RBM47: variants seen among roughly 807,000 people sequenced by gnomAD.
RBM47 encodes the protein RNA-binding protein 47.
A neutral mutation model predicts 47.1 loss-of-function variants in RBM47; 21 were observed. That is an observed-to-expected ratio of 0.45 (90% CI 0.32 to 0.64). RBM47 has a LOEUF of 0.64. Among genes scored for constraint, RBM47 ranks in the 30% least tolerant of loss-of-function variants. RBM47 has a pLI of 0.05. For synonymous variants in RBM47, 375 were observed against 361.7 expected (o/e 1.04, Z -0.42); for missense variants, 708 against 870.9 (o/e 0.81, Z 2.35).
chr4:40,526,409 A>G (rs1200527781), intron 2 of RBM47, among the ~76,000 whole-genome samples: 2 of 152,082 alleles, frequency 1.3e-5, no homozygotes, highest in East Asian at 1.9e-4. Context: ...TCAGAAAACG[A>G]TTGGCCTTAA....
chr4:40,623,592 C>A (rs929965673), intron 1 of RBM47, among the ~76,000 whole-genome samples: 9 of 152,072 alleles, frequency 5.9e-5, no homozygotes, highest in Admixed American at 2.0e-4. Flanking sequence ...CGTACTAAAG[C>A]CTTGAGCGCC....
At chr4:40,437,246 T>A (rs1712794107) in intron 4 of RBM47, among the ~76,000 whole-genome samples, 1 of 148,820 alleles carries the variant, frequency 6.7e-6, no homozygotes, top group African/African-American at 2.5e-5. Flanking sequence ...TCCACCTTCC[T>A]CATTTCATGC....
chr4:40,540,600 T>C (rs1256198714), intron 2 of RBM47, among the ~76,000 whole-genome samples: 3 of 148,960 alleles, frequency 2.0e-5, no homozygotes, highest in Non-Finnish European at 3.0e-5. Flanking sequence ...GATCACGCCA[T>C]TGACTCCAGC....
intron 3 of RBM47, among the ~76,000 whole-genome samples, chr4:40,447,647 G>C (rs958975850): frequency 9.2e-5 from 14 of 152,334 alleles, no homozygotes; most frequent in African/African-American, 3.1e-4. Context: ...GGAAGGCTGA[G>C]GCGGGTGGAT....
chr4:40,549,412 A>G (rs1020586605), intron 1 of RBM47, among the ~76,000 whole-genome samples: 2 of 151,218 alleles, frequency 1.3e-5, no homozygotes, highest in Admixed American at 6.6e-5. Flanking sequence ...TCTCCCTCTT[A>G]TTTTCCTCAG....
intron 2 of RBM47, chr4:40,542,374 A>G (rs1305907223): frequency 6.6e-6 from 1 of 152,070 alleles, no homozygotes; most frequent in African/African-American, 2.4e-5. Flanking sequence ...AGGCTGTTTA[A>G]TGTAGCCACT....
At chr4:40,515,483 GA>G (rs1178698153) in intron 2 of RBM47, among the ~76,000 whole-genome samples, 1 of 152,144 alleles carries the variant, frequency 6.6e-6, no homozygotes, top group Non-Finnish European at 1.5e-5. Flanking sequence ...TTTGGTTGCA[GA>G]ATCACACCCA....
At chr4:40,614,590 C>CT (rs1341374506) in intron 1 of RBM47, among the ~76,000 whole-genome samples, 1 of 151,480 alleles carries the variant, frequency 6.6e-6, no homozygotes, top group African/African-American at 2.4e-5. Flanking sequence ...TTACAACACT[C>CT]TGAGAGGCCA....
intron 2 of RBM47, 75 bp from the exon 3 acceptor site, chr4:40,466,774 G>A (rs566396690): frequency 1.0e-5 from 1 of 96,214 alleles, no homozygotes; most frequent in Non-Finnish European, 1.8e-5. Flanking sequence ...TAGAAATTGG[G>A]GGGGGGGGGG....
Position 40,472,455 on chromosome 4 carries a change from T to A in RBM47, c.-154-5756A>T, listed in dbSNP as rs563192566. On this transcript the variant is annotated intron_variant, in intron 2 of 6. Transcript: ENST00000295971. ...CAGGCATGGTGGCGCATACCTGTAA[T>A]CTCAGCTAAGGCAGGAGAATCACTT... 2.9e-3 allele frequency among the ~76,000 whole-genome samples: 441 copies of A among 151,214 alleles called. 2 individuals are homozygous for A. Among genetic ancestry groups the A allele is most frequent in the Admixed American group, 0.01 (157 of 15,108 alleles).
intron 1 of RBM47, among the ~76,000 whole-genome samples, chr4:40,610,349 G>A (rs555552034): frequency 2.6e-5 from 4 of 151,660 alleles, no homozygotes; most frequent in East Asian, 1.9e-4. Context: ...ACGGCCAGGC[G>A]CGGTGGCTCA....
chr4:40,424,031 G>A lies in RBM47; in HGVS notation c.*1873C>T, dbSNP rs1283414630. On this transcript the variant is annotated 3_prime_UTR_variant, in exon 7 of 7. Transcript: ENST00000295971. ...ATGTTAGCGGTGCTTAAAGGCCTCA[G>A]TAGGCACTCAATAATTTTATAGAAT... is the stretch of plus-strand genomic sequence containing the variant. 1 of 152,190 alleles carries A rather than the reference G, an allele frequency of 6.6e-6. No homozygotes were observed. Among genetic ancestry groups the A allele is most frequent in the Non-Finnish European group, 1.5e-5 (1 of 68,040 alleles). The allele number at this position is 152,190 out of a possible 1,614,324, so 9.4% of individuals were successfully genotyped here.
At chr4:40,529,471 G>A (rs1395609066) in intron 2 of RBM47, among the ~76,000 whole-genome samples, 8 of 131,642 alleles carry the variant, frequency 6.1e-5, no homozygotes, top group African/African-American at 1.8e-4. Context: ...AGCCAAGATC[G>A]TGCCACTGCA....
intron 2 of RBM47, among the ~76,000 whole-genome samples, chr4:40,493,317 G>T (rs778307255): frequency 3.9e-5 from 6 of 152,162 alleles, no homozygotes; most frequent in African/African-American, 9.7e-5. Context: ...TGGCATTAAG[G>T]AGGCAGGAGG....
intron 1 of RBM47, among the ~76,000 whole-genome samples, chr4:40,579,715 G>A (rs1021473099): frequency 1.3e-5 from 2 of 150,626 alleles, no homozygotes; most frequent in Non-Finnish European, 2.9e-5. Context: ...GTCTTTGCTG[G>A]AGTTATTACA....
intron 4 of RBM47, among the ~76,000 whole-genome samples, chr4:40,437,152 A>ATAT (rs1560357673): frequency 2.5e-5 from 2 of 79,184 alleles, no homozygotes; most frequent in Non-Finnish European, 4.3e-5. Flanking sequence ...TATATATATA[A>ATAT]AATACATATA....
In RBM47 at chr4:40,432,646, T is replaced by G. The variant is rs967393710; in HGVS notation, c.1542+5A>C. Reference sequence around the variant, plus strand: ...AAATGACAATGCCTGCAATAAGAACTCTACCTGGAAAGGTGGTGGCGTCGA... The same window carrying G: ...AAATGACAATGCCTGCAATAAGAACGCTACCTGGAAAGGTGGTGGCGTCGA... On this transcript the variant is annotated splice_donor_5th_base_variant and intron_variant, in intron 6 of 6. Transcript: ENST00000295971. 2.5e-6 allele frequency: 4 copies of G among 1,610,230 alleles called. No homozygotes were observed. Among genetic ancestry groups the G allele is most frequent in the Non-Finnish European group, 2.5e-6 (3 of 1,179,382 alleles).
intron 1 of RBM47, among the ~76,000 whole-genome samples, chr4:40,545,259 G>A (rs896936009): frequency 2.7e-5 from 4 of 150,340 alleles, no homozygotes; most frequent in African/African-American, 7.3e-5. Context: ...CACCATGTTG[G>A]TCAGGCTGGT....
chr4:40,604,714 T>TTTGTTGTTGTTGTTG (rs57799277), intron 1 of RBM47, among the ~76,000 whole-genome samples: 195 of 151,752 alleles, frequency 1.3e-3, no homozygotes, highest in Admixed American at 2.9e-3. Flanking sequence ...CACATGGCTC[T>TTTGTTGTTGTTGTTG]TTGTTGTTGT....
Sources: allele counts gnomAD v4.1 joint callset (sites outside exome capture counted in the v4.1 genomes callset), GRCh38; gene constraint gnomAD v4.1.1; transcripts MANE v1.5; gene names NCBI Gene and HGNC (gene_info 2026-07-23, HGNC 2026-07-21).